Variants in SLC4A4 observed in about 807,000 individuals in gnomAD.
The protein encoded by SLC4A4 is solute carrier family 4 member 4, also known as electrogenic sodium bicarbonate cotransporter 1.
SLC4A4 carries 27 observed loss-of-function variants against 111.5 expected under a neutral mutation model. The ratio of observed to expected loss-of-function variants is 0.24; its 90% CI spans 0.18 to 0.33. The LOEUF (loss-of-function observed/expected upper bound fraction) is 0.33, where lower values mean the gene tolerates loss of function less well. Ranked by LOEUF, SLC4A4 falls within the 10% of genes least tolerant of loss-of-function variation. SLC4A4 has a pLI of 1.00. For synonymous variants in SLC4A4, 443 were observed against 463.4 expected (o/e 0.96, Z 0.57); for missense variants, 909 against 1,315.5 (o/e 0.69, Z 4.78).
rs201579524 is a variant in SLC4A4 at position 71,318,820 on chromosome 4, G to GTT, written c.254-20534_254-20533dup. On this transcript the variant is annotated intron_variant, in intron 3 of 25. Transcript: ENST00000264485. ...TTAGGTTCTTGTTCTGAAAAATTAA[G>GTT]TTTTTTTTTTTTTTTTTAAGGAACA... Among the ~76,000 whole-genome samples, 1,217 of 133,664 alleles carry GTT rather than the reference G, an allele frequency of 9.1e-3. 6 individuals are homozygous for GTT. Among genetic ancestry groups the GTT allele is most frequent in the African/African-American group, 0.014 (512 of 36,636 alleles). 87.7% of individuals were successfully genotyped at this position (133,664 alleles called of 152,430 possible).
chr4:71,209,820 ATTT>A (rs1257433981), intron 1 of SLC4A4, among the ~76,000 whole-genome samples: 2 of 152,202 alleles, frequency 1.3e-5, no homozygotes, highest in African/African-American at 4.8e-5. Flanking sequence ...ATTATGATGT[ATTT>A]TTGGATTAAC....
At chr4:71,285,404 G>A (rs888501640) in intron 3 of SLC4A4, among the ~76,000 whole-genome samples, 2 of 152,142 alleles carry the variant, frequency 1.3e-5, no homozygotes, top group East Asian at 1.9e-4. Context: ...CACCTGGGGA[G>A]ACTGAGGGCA....
At chr4:71,130,870 G>C (rs1436824647) in intron 2 of SLC4A4, among the ~76,000 whole-genome samples, 1 of 152,164 alleles carries the variant, frequency 6.6e-6, no homozygotes, top group Admixed American at 6.5e-5. Flanking sequence ...AGATATCTTT[G>C]TAGTTGAGAG....
At chr4:71,084,336 C>T (rs867232305) in intron 1 of SLC4A4, among the ~76,000 whole-genome samples, 2 of 151,968 alleles carry the variant, frequency 1.3e-5, no homozygotes, top group African/African-American at 2.4e-5. Flanking sequence ...AACTTATCTG[C>T]AACCTCCACG....
chr4:71,477,235 A>G (rs1728453031), intron 14 of SLC4A4, among the ~76,000 whole-genome samples: 1 of 151,764 alleles, frequency 6.6e-6, no homozygotes, highest in Non-Finnish European at 1.5e-5. Flanking sequence ...GGTTACTATA[A>G]AGGTTAAATG....
chr4:71,522,974 C>A (rs1304511416), intron 16 of SLC4A4, among the ~76,000 whole-genome samples: 1 of 152,090 alleles, frequency 6.6e-6, no homozygotes, highest in Non-Finnish European at 1.5e-5. Context: ...TATTCTAGAA[C>A]CATTTTTTTA....
At chr4:71,388,212 G>T (rs570943042) in intron 6 of SLC4A4, among the ~76,000 whole-genome samples, 1 of 152,174 alleles carries the variant, frequency 6.6e-6, no homozygotes, top group Non-Finnish European at 1.5e-5. Flanking sequence ...TCACATTTTG[G>T]GGAGGGAATA....
At position 71,570,116 on chromosome 4, in the gene SLC4A4, G is replaced by C. The variant is rs886059612; in HGVS notation, c.*2365G>C. 1 of 151,532 alleles carries C rather than the reference G, an allele frequency of 6.6e-6. No individual in the cohort carries two copies. Among genetic ancestry groups the C allele is most frequent in the Non-Finnish European group, 1.5e-5 (1 of 67,786 alleles). 9.4% of individuals were successfully genotyped at this position (151,532 alleles called of 1,614,324 possible). On this transcript the variant is annotated 3_prime_UTR_variant, in exon 26 of 26. Transcript: ENST00000264485. ...AACCCGTGATCTTCTTAAGTTAAAG[G>C]TACTTTTGTTTTATAAAAGCTCTAG...
At chr4:71,469,023 A>C (rs970929505) in intron 13 of SLC4A4, among the ~76,000 whole-genome samples, 3 of 152,028 alleles carry the variant, frequency 2.0e-5, no homozygotes, top group Non-Finnish European at 1.5e-5. Context: ...TTATAAAGGA[A>C]TATGAATGAT....
intron 23 of SLC4A4, 141 bp downstream of exon 23, chr4:71,560,395 TC>T (rs1267801320): frequency 2.6e-5 from 24 of 919,320 alleles, no homozygotes; most frequent in Non-Finnish European, 3.4e-5. Context: ...TCATTTCACC[TC>T]CCTTTGCCCT....
At chr4:71,193,318 T>C (rs1460412789) in intron 1 of SLC4A4, among the ~76,000 whole-genome samples, 2 of 152,054 alleles carry the variant, frequency 1.3e-5, no homozygotes, top group African/African-American at 2.4e-5. Flanking sequence ...CGCCACCACG[T>C]CCGGCTAATT....
chr4:71,277,488 C>T (rs894704073), intron 3 of SLC4A4, among the ~76,000 whole-genome samples: 1 of 150,390 alleles, frequency 6.6e-6, no homozygotes, highest in Non-Finnish European at 1.5e-5. Context: ...CTTGGCTTCC[C>T]TTCCCTTCCC....
intron 8 of SLC4A4, among the ~76,000 whole-genome samples, chr4:71,443,809 A>C (rs1291424281): frequency 7.9e-5 from 12 of 152,184 alleles, no homozygotes; most frequent in Admixed American, 7.9e-4. Flanking sequence ...ATAATTATTT[A>C]TCTAAAAGAA....
chr4:71,087,610 G>T (rs1007402594), intron 1 of SLC4A4, among the ~76,000 whole-genome samples: 1 of 151,986 alleles, frequency 6.6e-6, no homozygotes, highest in Non-Finnish European at 1.5e-5. Flanking sequence ...TTGTGTCTTT[G>T]TTCTCATTGG....
intron 6 of SLC4A4, among the ~76,000 whole-genome samples, chr4:71,397,232 T>C (rs1560471147): frequency 6.6e-6 from 1 of 152,106 alleles, no homozygotes; most frequent in Non-Finnish European, 1.5e-5. Context: ...GGAAACCAGA[T>C]AGATTAGCAT....
At chr4:71,484,591 T>C (rs929608510) in intron 14 of SLC4A4, among the ~76,000 whole-genome samples, 10 of 151,942 alleles carry the variant, frequency 6.6e-5, no homozygotes, top group African/African-American at 1.9e-4. Flanking sequence ...TAGTTTGAAG[T>C]TGGGTAACAT....
intron 2 of SLC4A4, among the ~76,000 whole-genome samples, chr4:71,126,803 T>C (rs1202625930): frequency 6.6e-6 from 1 of 152,264 alleles, no homozygotes; most frequent in African/African-American, 2.4e-5. Flanking sequence ...GACTAGCTTC[T>C]GGTTCCATAA....
intron 2 of SLC4A4, among the ~76,000 whole-genome samples, chr4:71,153,837 C>A (rs1744387130): frequency 6.6e-6 from 1 of 152,168 alleles, no homozygotes; most frequent in Non-Finnish European, 1.5e-5. Context: ...CTCTTATTGA[C>A]CCTCTACTCC....
chr4:71,171,832 T>C (rs1032442433), intron 2 of SLC4A4, among the ~76,000 whole-genome samples: 3 of 152,234 alleles, frequency 2.0e-5, no homozygotes, highest in Non-Finnish European at 4.4e-5. Context: ...CTAAATGGAA[T>C]GTCTTTTACT....
Sources: allele counts gnomAD v4.1 joint callset (sites outside exome capture counted in the v4.1 genomes callset), GRCh38; gene constraint gnomAD v4.1.1; transcripts MANE v1.5; gene names NCBI Gene and HGNC (gene_info 2026-07-23, HGNC 2026-07-21).